Variants in CCDC170 observed in about 807,000 individuals in gnomAD.
CCDC170 encodes coiled-coil domain-containing protein 170.
Under a neutral mutation model 72.6 loss-of-function variants are expected in CCDC170, and 69 were observed. The observed-to-expected ratio is 0.95, with a 90% CI of 0.78 to 1.16. The LOEUF is 1.16. Ranked by LOEUF, CCDC170 falls within the 50% of genes most tolerant of loss-of-function variation. The pLI, the probability that CCDC170 is intolerant of heterozygous loss-of-function variation, is 0.00. For synonymous variants in CCDC170, 300 were observed against 303.9 expected (o/e 0.99, Z 0.13); for missense variants, 852 against 832.5 (o/e 1.02, Z -0.29).
At chr6:151,589,251 AAAAC>A (rs539350258) in intron 7 of CCDC170, among the ~76,000 whole-genome samples, 138 of 115,080 alleles carry the variant, frequency 1.2e-3, no homozygotes, top group East Asian at 3.2e-3. Flanking sequence ...ACTCCCTCTC[AAAAC>A]AAACAAACAA....
intron 7 of CCDC170, among the ~76,000 whole-genome samples, chr6:151,592,444 T>C (rs893260930): frequency 2.0e-5 from 3 of 152,126 alleles, no homozygotes; most frequent in Non-Finnish European, 4.4e-5. Flanking sequence ...TTTAATGGAC[T>C]CACAGTTCCA....
intron 9 of CCDC170, among the ~76,000 whole-genome samples, chr6:151,603,195 GTTC>G (rs1697112115): frequency 6.6e-6 from 1 of 152,158 alleles, no homozygotes; most frequent in South Asian, 2.1e-4. Flanking sequence ...CATGATGCAA[GTTC>G]TTTTGAGTTT....
chr6:151,556,413 C>T (rs1307427592), intron 5 of CCDC170, among the ~76,000 whole-genome samples: 1 of 152,186 alleles, frequency 6.6e-6, no homozygotes, highest in Non-Finnish European at 1.5e-5. Flanking sequence ...TGAGATTGAG[C>T]CACTGCACTC....
chr6:151,510,694 C>A (rs1271654149), intron 1 of CCDC170, among the ~76,000 whole-genome samples: 1 of 151,994 alleles, frequency 6.6e-6, no homozygotes, highest in East Asian at 1.9e-4. Flanking sequence ...GGGACTTTCA[C>A]CCTAACAAAT....
chr6:151,606,100 G>C (rs1776778821), intron 9 of CCDC170, among the ~76,000 whole-genome samples: 1 of 151,902 alleles, frequency 6.6e-6, no homozygotes, highest in Non-Finnish European at 1.5e-5. Context: ...CGGGGTTTCA[G>C]CATTTTGGCC....
intron 9 of CCDC170, among the ~76,000 whole-genome samples, chr6:151,608,765 C>A (rs1478143885): frequency 2.0e-5 from 3 of 152,118 alleles, no homozygotes; most frequent in Non-Finnish European, 2.9e-5. Flanking sequence ...GGCAGAAGGC[C>A]ATGAGTAGGT....
At chr6:151,565,847 A>C (rs1400497618) in intron 5 of CCDC170, among the ~76,000 whole-genome samples, 1 of 152,242 alleles carries the variant, frequency 6.6e-6, no homozygotes, top group Non-Finnish European at 1.5e-5. Context: ...AAAATCAGTT[A>C]AATCCATATG....
chr6:151,608,706 G>A (rs1478211739), intron 9 of CCDC170, among the ~76,000 whole-genome samples: 2 of 152,226 alleles, frequency 1.3e-5, no homozygotes, highest in Non-Finnish European at 2.9e-5. Flanking sequence ...CACATGCAGA[G>A]ATGAGGTGGT....
intron 5 of CCDC170, among the ~76,000 whole-genome samples, chr6:151,571,034 G>C (rs2115085924): frequency 6.6e-6 from 1 of 152,256 alleles, no homozygotes; most frequent in African/African-American, 2.4e-5. Context: ...CTTTCAAATT[G>C]ATGCCTGAGA....
intron 5 of CCDC170, among the ~76,000 whole-genome samples, chr6:151,565,959 T>A (rs1776128661): frequency 6.6e-6 from 1 of 152,334 alleles, no homozygotes; most frequent in East Asian, 1.9e-4. Context: ...AATTTCCAGA[T>A]GGGAACTGTC....
chr6:151,535,114 G>T (rs997964290), intron 1 of CCDC170, among the ~76,000 whole-genome samples: 1 of 152,290 alleles, frequency 6.6e-6, no homozygotes, highest in African/African-American at 2.4e-5. Flanking sequence ...CACCAAATCT[G>T]CTCTGCAGGT....
chr6:151,611,052 C>T (rs560175971), intron 9 of CCDC170, among the ~76,000 whole-genome samples: 30 of 152,128 alleles, frequency 2.0e-4, no homozygotes, highest in African/African-American at 6.3e-4. Flanking sequence ...TTGAGGTGGG[C>T]GGATCACAAG....
intron 1 of CCDC170, among the ~76,000 whole-genome samples, chr6:151,507,589 G>A (rs1428187617): frequency 6.6e-6 from 1 of 152,164 alleles, no homozygotes. Flanking sequence ...CAGCCCTGTA[G>A]GGAGATGAAA....
chr6:151,514,474 AC>A (rs146042238), intron 1 of CCDC170, among the ~76,000 whole-genome samples: 11,377 of 151,990 alleles, frequency 0.075, 536 homozygotes, highest in East Asian at 0.17. Flanking sequence ...TGGGGCCCAG[AC>A]TTTTGCCCAG....
chr6:151,612,946 C>T (rs1318825945), intron 9 of CCDC170, among the ~76,000 whole-genome samples: 1 of 103,156 alleles, frequency 9.7e-6, no homozygotes, highest in East Asian at 2.4e-4. Flanking sequence ...CAGAGCTGTA[C>T]TGGTCTTTGT....
chr6:151,504,792 T>C (rs914196841), intron 1 of CCDC170, among the ~76,000 whole-genome samples: 1 of 151,686 alleles, frequency 6.6e-6, no homozygotes, highest in East Asian at 1.9e-4. Flanking sequence ...AGCTACTAGA[T>C]ACTGGAAGTG....
intron 5 of CCDC170, among the ~76,000 whole-genome samples, chr6:151,560,790 T>G (rs537077829): frequency 2.2e-4 from 34 of 152,304 alleles, no homozygotes; most frequent in Non-Finnish European, 4.1e-4. Context: ...TTTGCTCTTT[T>G]CTGTTTTCCA....
Position 151,538,265 on chromosome 6 carries a change from TAAA to T in CCDC170, c.408_410del (p.Lys139del). On this transcript the variant is annotated inframe_deletion, in exon 3 of 11. Coordinates refer to ENST00000239374, the MANE Select transcript of CCDC170 (RefSeq NM_025059.4). ...GCTGCAATCAAGGAGAACCAGGAAT[TAAA>T]GAAGAAAGTTGTAGAGTTAAATGAA... 8.7e-6 allele frequency: 14 copies of T among 1,613,736 alleles called. No individual in the cohort carries two copies. Among genetic ancestry groups the T allele is most frequent in the Non-Finnish European group, 1.2e-5 (14 of 1,179,850 alleles).
At chr6:151,579,575 T>A (rs1271317586) in intron 6 of CCDC170, among the ~76,000 whole-genome samples, 5 of 152,178 alleles carry the variant, frequency 3.3e-5, no homozygotes, top group African/African-American at 7.2e-5. Flanking sequence ...CAAGGCTCTG[T>A]AGAGCACCCT....
Sources: allele counts gnomAD v4.1 joint callset (sites outside exome capture counted in the v4.1 genomes callset), GRCh38; gene constraint gnomAD v4.1.1; transcripts MANE v1.5; gene names NCBI Gene and HGNC (gene_info 2026-07-23, HGNC 2026-07-21).